The following SLC9C1 variants were observed in gnomAD, a reference collection of about 807,000 sequenced individuals.
SLC9C1 encodes the protein solute carrier family 9 member C1, also known as sodium/hydrogen exchanger 10.
Under a neutral mutation model 140.9 loss-of-function variants are expected in SLC9C1, and 97 were observed. That is an observed-to-expected ratio of 0.69 (90% CI 0.58 to 0.82). The LOEUF (loss-of-function observed/expected upper bound fraction) is 0.82, where lower values mean the gene tolerates loss of function less well. Among genes scored for constraint, SLC9C1 ranks in the 40% least tolerant of loss-of-function variants. The pLI is 0.00. For synonymous variants in SLC9C1, 440 were observed against 442.6 expected (o/e 0.99, Z 0.07); for missense variants, 1,340 against 1,389.3 (o/e 0.96, Z 0.56).
At chr3:112,185,543 C>A in intron 20 of SLC9C1, 3 of 1,613,248 alleles carry the variant, frequency 1.9e-6, no homozygotes, top group Non-Finnish European at 2.5e-6. Context: ...CCCCGTCAGG[C>A]GATCTCCGCA....
chr3:112,181,894 A>G (rs2077446820), intron 21 of SLC9C1, among the ~76,000 whole-genome samples: 1 of 152,230 alleles, frequency 6.6e-6, no homozygotes, highest in South Asian at 2.1e-4. Context: ...TGAGTGGTTC[A>G]GTATAAATAG....
chr3:112,205,322 A>G (rs2078017461), intron 16 of SLC9C1, among the ~76,000 whole-genome samples: 1 of 152,016 alleles, frequency 6.6e-6, no homozygotes, highest in Non-Finnish European at 1.5e-5. Context: ...AGACAATAAA[A>G]TACCTGGGAA....
At chr3:112,278,663 T>TA in intron 4 of SLC9C1, 66 bp downstream of exon 4, 1 of 1,491,574 alleles carries the variant, frequency 6.7e-7, no homozygotes, top group South Asian at 1.4e-5. Context: ...AAAAATATTT[T>TA]AAAAATTTGA....
chr3:112,250,483 A>ATG (rs2079423589), intron 10 of SLC9C1, among the ~76,000 whole-genome samples: 1 of 135,008 alleles, frequency 7.4e-6, no homozygotes, highest in Admixed American at 7.6e-5. Flanking sequence ...CTGAGGAATC[A>ATG]CCACACTGAC....
intron 18 of SLC9C1, among the ~76,000 whole-genome samples, chr3:112,201,859 A>T (rs191021037): frequency 2.0e-4 from 31 of 152,076 alleles, no homozygotes; most frequent in South Asian, 6.2e-4. Context: ...GAGAGAGATG[A>T]AAGAAGCTTT....
intron 12 of SLC9C1, among the ~76,000 whole-genome samples, chr3:112,238,222 G>A (rs1047441886): frequency 6.6e-6 from 1 of 152,088 alleles, no homozygotes. Flanking sequence ...TTCCATCACT[G>A]ATACCCTTTC....
At chr3:112,178,121 C>T (rs1296872237) in intron 23 of SLC9C1, among the ~76,000 whole-genome samples, 1 of 151,398 alleles carries the variant, frequency 6.6e-6, no homozygotes, top group Admixed American at 6.6e-5. Context: ...TGCCTTCTTC[C>T]CCTCTACCAC....
intron 26 of SLC9C1, among the ~76,000 whole-genome samples, chr3:112,161,027 T>A (rs1405481172): frequency 6.6e-6 from 1 of 152,248 alleles, no homozygotes; most frequent in East Asian, 1.9e-4. Context: ...CCAGTGATGA[T>A]GAGCATTTTT....
intron 20 of SLC9C1, among the ~76,000 whole-genome samples, chr3:112,183,258 A>T (rs989769786): frequency 1.3e-5 from 2 of 150,990 alleles, no homozygotes; most frequent in Non-Finnish European, 2.9e-5. Context: ...TTGTCAATTT[A>T]AAAAAAATGG....
intron 10 of SLC9C1, among the ~76,000 whole-genome samples, chr3:112,256,583 C>T (rs941291394): frequency 2.9e-4 from 44 of 152,148 alleles, no homozygotes; most frequent in African/African-American, 9.6e-4. Context: ...AATAAGAGCC[C>T]TTTATGACAA....
chr3:112,251,596 C>T (rs527707737), intron 10 of SLC9C1, among the ~76,000 whole-genome samples: 1 of 152,140 alleles, frequency 6.6e-6, no homozygotes, highest in Non-Finnish European at 1.5e-5. Flanking sequence ...GCATCACTCC[C>T]ATGGCATCTC....
chr3:112,185,302 A>G (rs1177747878), intron 20 of SLC9C1, among the ~76,000 whole-genome samples: 1 of 149,762 alleles, frequency 6.7e-6, no homozygotes, highest in South Asian at 2.2e-4. Context: ...ATCCACATAT[A>G]TAAATCCTTA....
At chr3:112,151,127 C>A (rs188017919) in intron 28 of SLC9C1, among the ~76,000 whole-genome samples, 1 of 151,978 alleles carries the variant, frequency 6.6e-6, no homozygotes, top group Non-Finnish European at 1.5e-5. Context: ...TGAGCCACCG[C>A]GCCCAGCCTG....
intron 26 of SLC9C1, among the ~76,000 whole-genome samples, chr3:112,162,407 T>C (rs2107891219): frequency 6.6e-6 from 1 of 152,284 alleles, no homozygotes; most frequent in South Asian, 2.1e-4. Context: ...GGCTGTGGGT[T>C]TGTCATAGAT....
At chr3:112,268,166 G>C (rs554117344) in intron 7 of SLC9C1, among the ~76,000 whole-genome samples, 3 of 152,080 alleles carry the variant, frequency 2.0e-5, no homozygotes, top group Non-Finnish European at 4.4e-5. Context: ...TTTCTTTTAG[G>C]AATCTAAGTA....
At chr3:112,199,834 T>G (rs924995011) in intron 19 of SLC9C1, among the ~76,000 whole-genome samples, 1 of 152,090 alleles carries the variant, frequency 6.6e-6, no homozygotes, top group Non-Finnish European at 1.5e-5. Flanking sequence ...AATTTTTAAC[T>G]ACAGATGATT....
chr3:112,166,072 G>A (rs922854171), intron 26 of SLC9C1, among the ~76,000 whole-genome samples: 4 of 152,216 alleles, frequency 2.6e-5, no homozygotes, highest in African/African-American at 7.2e-5. Flanking sequence ...TCCAAGCCAG[G>A]CGCTGGATAT....
intron 13 of SLC9C1, among the ~76,000 whole-genome samples, chr3:112,224,101 G>C (rs1329546064): frequency 6.6e-6 from 1 of 152,138 alleles, no homozygotes; most frequent in African/African-American, 2.4e-5. Flanking sequence ...TCTACCCATG[G>C]TAGCATAGCC....
intron 15 of SLC9C1, among the ~76,000 whole-genome samples, chr3:112,214,939 A>G (rs2078315134): frequency 1.3e-5 from 2 of 152,328 alleles, no homozygotes; most frequent in East Asian, 1.9e-4. Flanking sequence ...TTCCTGATGA[A>G]CATCGATGCA....
Sources: gnomAD v4.1 joint callset for allele counts (sites outside exome capture counted in the v4.1 genomes callset) on GRCh38, gnomAD v4.1.1 for gene constraint, MANE v1.5 for transcripts, NCBI Gene and HGNC (gene_info 2026-07-23, HGNC 2026-07-21) for gene names.